Variants in NFIB observed in about 807,000 individuals in gnomAD.
The protein encoded by NFIB is nuclear factor I B.
In NFIB, 11 loss-of-function variants were observed where a neutral mutation model predicts 61.5. The ratio of observed to expected loss-of-function variants is 0.18; its 90% CI spans 0.11 to 0.30. NFIB has a LOEUF of 0.30. Ranked by LOEUF, NFIB falls within the 10% of genes least tolerant of loss-of-function variation. The pLI is 1.00. For synonymous variants in NFIB, 260 were observed against 216.5 expected (o/e 1.20, Z -1.76); for missense variants, 471 against 608.9 (o/e 0.77, Z 2.38).
chr9:14,429,438 T>A, the NFIB span, among the ~76,000 whole-genome samples: 5 of 152,194 alleles, frequency 3.3e-5, no homozygotes, highest in African/African-American at 1.2e-4. Context: ...TTTGTCAGAA[T>A]TTTCCTCCCT....
intron 2 of NFIB, among the ~76,000 whole-genome samples, chr9:14,219,381 T>TAAA (rs751279935): frequency 0.045 from 3,301 of 73,428 alleles, 489 homozygotes; most frequent in African/African-American, 0.15. Context: ...AGCACTAGGG[T>TAAA]AAAAAAAAAA....
At chr9:14,303,021 G>A (rs1027598172) in intron 2 of NFIB, among the ~76,000 whole-genome samples, 2 of 152,198 alleles carry the variant, frequency 1.3e-5, no homozygotes, top group Non-Finnish European at 2.9e-5. Context: ...GTGTGGTGCA[G>A]AATCGAGAAA....
intron 6 of NFIB, among the ~76,000 whole-genome samples, chr9:14,126,667 G>A (rs772308837): frequency 6.6e-5 from 10 of 152,152 alleles, no homozygotes; most frequent in Non-Finnish European, 7.4e-5. Context: ...ACAGGATGAC[G>A]GGTCTCCAGC....
At chr9:14,363,802 C>G (rs2061269324) in intron 1 of NFIB, among the ~76,000 whole-genome samples, 1 of 152,064 alleles carries the variant, frequency 6.6e-6, no homozygotes, top group East Asian at 1.9e-4. Flanking sequence ...ATTATACTCT[C>G]AACTCAAAAG....
chr9:14,322,777 T>C (rs1447137650), intron 1 of NFIB, among the ~76,000 whole-genome samples: 1 of 150,938 alleles, frequency 6.6e-6, no homozygotes, highest in Non-Finnish European at 1.5e-5. Flanking sequence ...GGCGCCCCTC[T>C]CGAGCGTGGG....
chr9:14,291,466 C>A (rs1001971827), intron 2 of NFIB, among the ~76,000 whole-genome samples: 1 of 152,158 alleles, frequency 6.6e-6, no homozygotes, highest in African/African-American at 2.4e-5. Context: ...GTCTGGGCGA[C>A]AGAGACTCTG....
intron 2 of NFIB, among the ~76,000 whole-genome samples, chr9:14,244,777 A>G (rs759200542): frequency 3.3e-5 from 5 of 152,212 alleles, no homozygotes; most frequent in Non-Finnish European, 7.3e-5. Flanking sequence ...CTGGAACACA[A>G]TAAGTACTAA....
At chr9:14,140,419 C>A (rs964119351) in intron 6 of NFIB, among the ~76,000 whole-genome samples, 1 of 152,094 alleles carries the variant, frequency 6.6e-6, no homozygotes, top group African/African-American at 2.4e-5. Flanking sequence ...CCTATGGATT[C>A]TTTGATAGAA....
intron 2 of NFIB, among the ~76,000 whole-genome samples, chr9:14,295,159 G>A (rs1230256558): frequency 6.6e-6 from 1 of 152,198 alleles, no homozygotes; most frequent in African/African-American, 2.4e-5. Context: ...CGATAGAAAA[G>A]GAGGAATGGG....
chr9:14,456,463 T>C, the NFIB span, among the ~76,000 whole-genome samples: 1 of 152,164 alleles, frequency 6.6e-6, no homozygotes, highest in Non-Finnish European at 1.5e-5. Flanking sequence ...ATTTCTCTAA[T>C]ATCCAAAGAA....
chr9:14,161,325 C>T (rs1326096587), intron 3 of NFIB, among the ~76,000 whole-genome samples: 3 of 151,972 alleles, frequency 2.0e-5, no homozygotes, highest in African/African-American at 4.8e-5. Context: ...CAGCCTATAG[C>T]CCAGGTTAAC....
In NFIB at chr9:14,383,928, T is replaced by C. The variant is rs1336466554; in HGVS notation, c.108+14596A>G. ...CCATGGAAGAGCGCTTTAAATACCA[T>C]CGTGTTTCATCCAATCTCCTCACAA... is the stretch of plus-strand genomic sequence containing the variant. On this transcript the variant is annotated intron_variant, in intron 1 of 8. Transcript: ENST00000380934. 2.6e-5 allele frequency among the ~76,000 whole-genome samples: 4 copies of C among 152,250 alleles called. No homozygotes were observed. The East Asian group carries it at 7.7e-4, about 29-fold the overall frequency.
intron 2 of NFIB, among the ~76,000 whole-genome samples, chr9:14,235,628 G>C (rs1052369323): frequency 1.1e-4 from 17 of 152,116 alleles, no homozygotes; most frequent in Admixed American, 9.8e-4. Context: ...TTTAAAAAAA[G>C]CACTGTTGTA....
At chr9:14,282,492 A>T (rs887078243) in intron 2 of NFIB, among the ~76,000 whole-genome samples, 8 of 152,238 alleles carry the variant, frequency 5.3e-5, no homozygotes, top group Non-Finnish European at 1.2e-4. Flanking sequence ...ACTTTGCAAA[A>T]GTCCAAATTA....
At chr9:14,449,372 C>T in the NFIB span, among the ~76,000 whole-genome samples, 3 of 152,110 alleles carry the variant, frequency 2.0e-5, no homozygotes, top group Admixed American at 2.0e-4. Context: ...ATTTAATTGG[C>T]CTAAGATGGA....
chr9:14,090,312 G>C (rs1271412900), intron 10 of NFIB, among the ~76,000 whole-genome samples: 2 of 152,080 alleles, frequency 1.3e-5, no homozygotes, highest in African/African-American at 4.8e-5. Context: ...TTACTAAGCA[G>C]CTTAACTGTT....
chr9:14,434,492 A>G, the NFIB span, among the ~76,000 whole-genome samples: 1 of 152,236 alleles, frequency 6.6e-6, no homozygotes, highest in Non-Finnish European at 1.5e-5. Context: ...TGGGGACTGC[A>G]GAGACTCAAA....
chr9:14,231,896 A>T (rs569191987), intron 2 of NFIB, among the ~76,000 whole-genome samples: 3 of 152,342 alleles, frequency 2.0e-5, no homozygotes, highest in East Asian at 3.9e-4. Context: ...AAGGAGGAAA[A>T]AAATCTCATT....
intron 2 of NFIB, among the ~76,000 whole-genome samples, chr9:14,279,812 A>T (rs2058250688): frequency 6.6e-6 from 1 of 152,202 alleles, no homozygotes; most frequent in Admixed American, 6.5e-5. Context: ...AAATGTAAAC[A>T]ATGGTCCTGT....
Sources: allele counts gnomAD v4.1 joint callset (sites outside exome capture counted in the v4.1 genomes callset), GRCh38; gene constraint gnomAD v4.1.1; transcripts MANE v1.5; gene names NCBI Gene and HGNC (gene_info 2026-07-23, HGNC 2026-07-21).